The following ERO1B variants were observed in gnomAD, a reference collection of about 807,000 sequenced individuals.
The protein encoded by ERO1B is endoplasmic reticulum oxidoreductase 1 beta.
ERO1B carries 49 observed loss-of-function variants against 75.3 expected under a neutral mutation model. That is an observed-to-expected ratio of 0.65 (90% confidence interval 0.52 to 0.83). The LOEUF (loss-of-function observed/expected upper bound fraction) is 0.83. Among genes scored for constraint, ERO1B ranks in the 40% least tolerant of loss-of-function variants. The pLI is 0.00. For missense variants in ERO1B, 512 were observed against 560.1 expected (o/e 0.91, Z 0.87); for synonymous variants, 191 against 192.9 (o/e 0.99, Z 0.08).
intron 8 of ERO1B, 35 bp from the exon 9 acceptor site, chr1:236,232,874 A>G (rs1420913537): frequency 6.4e-7 from 1 of 1,554,624 alleles, no homozygotes; most frequent in Admixed American, 1.8e-5. Flanking sequence ...ATTTTAGAAA[A>G]TGTCTTACAT....
At chr1:236,263,275 G>A (rs542364347) in intron 2 of ERO1B, among the ~76,000 whole-genome samples, 2 of 152,132 alleles carry the variant, frequency 1.3e-5, no homozygotes, top group South Asian at 4.1e-4. Context: ...TTGAGATGAA[G>A]TCTTGCTCTG....
intron 6 of ERO1B, 139 bp from the exon 7 acceptor site, chr1:236,236,537 G>A (rs985278072): frequency 4.8e-6 from 4 of 830,002 alleles, no homozygotes; most frequent in Non-Finnish European, 7.3e-6. Flanking sequence ...ATGGTATAGT[G>A]GTTAGTATAC....
intron 11 of ERO1B, 21 bp downstream of exon 11, chr1:236,226,626 T>C (rs10924789): frequency 0.047 from 75,863 of 1,601,896 alleles, 5,441 homozygotes; most frequent in East Asian, 0.4. Flanking sequence ...AGGCAAAATC[T>C]CGACTTAAAA....
intron 7 of ERO1B, 105 bp downstream of exon 7, chr1:236,236,173 C>G (rs764170274): frequency 5.0e-6 from 7 of 1,406,668 alleles, no homozygotes; most frequent in Non-Finnish European, 5.9e-6. Context: ...ATGATCCACC[C>G]ACCTTGGCCT....
chr1:236,252,011 A>G (rs748545663), intron 4 of ERO1B, 39 bp downstream of exon 4: 2 of 1,436,034 alleles, frequency 1.4e-6, no homozygotes, highest in Non-Finnish European at 9.7e-7. Flanking sequence ...AAGTTTCACA[A>G]TGTAAAGCAG....
chr1:236,273,989 T>G (rs1448677482), intron 1 of ERO1B, among the ~76,000 whole-genome samples: 2 of 146,848 alleles, frequency 1.4e-5, no homozygotes, highest in African/African-American at 5.1e-5. Flanking sequence ...TATTTTTTTT[T>G]TTTTTTTTTT....
chr1:236,258,540 C>T (rs1307253574), intron 2 of ERO1B, among the ~76,000 whole-genome samples: 1 of 152,050 alleles, frequency 6.6e-6, no homozygotes, highest in Non-Finnish European at 1.5e-5. Context: ...ATGAGAAATG[C>T]TAAAAGGATC....
intron 9 of ERO1B, 32 bp from the exon 10 acceptor site, chr1:236,230,282 T>C (rs1219432523): frequency 2.6e-6 from 4 of 1,536,316 alleles, no homozygotes; most frequent in Non-Finnish European, 3.6e-6. Flanking sequence ...ATTAAAACAT[T>C]ATATGGTCAT....
chr1:236,254,076 A>G (rs967700650), intron 2 of ERO1B, among the ~76,000 whole-genome samples: 2 of 152,180 alleles, frequency 1.3e-5, no homozygotes, highest in Non-Finnish European at 2.9e-5. Context: ...GTGTGAACTA[A>G]AAAACACCAG....
intron 6 of ERO1B, among the ~76,000 whole-genome samples, chr1:236,239,911 A>ATATATTTTTT (rs1553371310): frequency 9.3e-6 from 1 of 106,964 alleles, no homozygotes; most frequent in African/African-American, 4.1e-5. Context: ...ATATATATAT[A>ATATATTTTTT]TTTTTTTTTT....
chr1:236,239,713 C>T (rs1664635288), intron 6 of ERO1B, among the ~76,000 whole-genome samples: 1 of 150,642 alleles, frequency 6.6e-6, no homozygotes, highest in African/African-American at 2.4e-5. Context: ...CTTCTTTCTG[C>T]CTCTACAAAG....
intron 6 of ERO1B, among the ~76,000 whole-genome samples, chr1:236,240,493 GT>G (rs2102948770): frequency 6.6e-6 from 1 of 152,236 alleles, no homozygotes; most frequent in Admixed American, 6.5e-5. Context: ...ATGATTTACA[GT>G]CAAGGAGAAG....
intron 2 of ERO1B, among the ~76,000 whole-genome samples, chr1:236,266,387 T>C (rs1011688135): frequency 1.3e-5 from 2 of 152,338 alleles, no homozygotes; most frequent in Non-Finnish European, 2.9e-5. Context: ...GTGGATCACC[T>C]GAGATCAGGA....
At chr1:236,239,809 G>GTGTATATATATGTGTATATATA (rs1664639753) in intron 6 of ERO1B, among the ~76,000 whole-genome samples, 5 of 47,266 alleles carry the variant, frequency 1.1e-4, no homozygotes, top group African/African-American at 1.8e-4. Context: ...ATATATATGT[G>GTGTATATATATGTGTATATATA]TGTATATATA....
intron 7 of ERO1B, 86 bp from the exon 8 acceptor site, chr1:236,235,921 C>T: frequency 8.6e-7 from 1 of 1,165,176 alleles, no homozygotes; most frequent in Non-Finnish European, 1.2e-6. Flanking sequence ...AAATACTCCC[C>T]TCCCCACCCT....
intron 2 of ERO1B, among the ~76,000 whole-genome samples, chr1:236,268,471 C>T (rs900962974): frequency 1.3e-5 from 2 of 151,484 alleles, no homozygotes; most frequent in South Asian, 2.1e-4. Context: ...ATTTAGCTGA[C>T]GTAAGCCTAG....
At chr1:236,220,499 T>G (rs1353010664) in intron 15 of ERO1B, 4 of 164,400 alleles carry the variant, frequency 2.4e-5, no homozygotes, top group African/African-American at 9.5e-5. Flanking sequence ...AGGTTTTAAT[T>G]TTCTTTTATC....
At chr1:236,268,355 G>A (rs10924900) in intron 2 of ERO1B, among the ~76,000 whole-genome samples, 91 of 152,062 alleles carry the variant, frequency 6.0e-4, no homozygotes, top group Non-Finnish European at 1.1e-3. Flanking sequence ...CAGAAGAATC[G>A]CTTGAAGCCA....
At chr1:236,267,434 A>C (rs534819106) in intron 2 of ERO1B, among the ~76,000 whole-genome samples, 1 of 152,348 alleles carries the variant, frequency 6.6e-6, no homozygotes, top group Admixed American at 6.5e-5. Flanking sequence ...ATATTCATTC[A>C]AACATTCAAA....
Sources: allele counts gnomAD v4.1 joint callset (sites outside exome capture counted in the v4.1 genomes callset), GRCh38; gene constraint gnomAD v4.1.1; transcripts MANE v1.5; gene names NCBI Gene and HGNC (gene_info 2026-07-23, HGNC 2026-07-21).